Variants in VCPIP1 observed in about 807,000 individuals in gnomAD.
The protein encoded by VCPIP1 is deubiquitinating protein VCPIP1.
In VCPIP1, 8 loss-of-function variants were observed where a neutral mutation model predicts 85.0. The ratio of observed to expected loss-of-function variants is 0.09; its 90% CI spans 0.06 to 0.17. The LOEUF (loss-of-function observed/expected upper bound fraction) is 0.17. Among genes scored for constraint, VCPIP1 ranks in the 10% least tolerant of loss-of-function variants. The pLI is 1.00. For synonymous variants in VCPIP1, 543 were observed against 544.5 expected (o/e 1.00, Z 0.04); for missense variants, 1,070 against 1,486.3 (o/e 0.72, Z 4.61).
chr8:66,635,241 C>T lies in VCPIP1; in HGVS notation c.2929G>A (p.Asp977Asn), dbSNP rs764449773. 6.2e-7 allele frequency: 1 copy of T among 1,614,200 alleles called. No individual in the cohort carries two copies. Among genetic ancestry groups the T allele is most frequent in the East Asian group, 2.2e-5 (1 of 44,884 alleles). Residue 977 changes from aspartate (D) to asparagine (N), a missense_variant, in exon 3 of 3, where the codon GAT becomes AAT. Physicochemically the swap from Asp to Asn is conservative, Grantham distance 23. Coordinates refer to ENST00000310421, the MANE Select transcript of VCPIP1 (RefSeq NM_025054.5). ...TGACTTACAGCCTCTTTAACTAAATCTTCAACATCAGGACCAATGGGGAAA... is the reference window on the plus strand; with the variant it reads ...TGACTTACAGCCTCTTTAACTAAATTTTCAACATCAGGACCAATGGGGAAA... The part of the protein sequence containing the change: ...GHFPIGPDVE[D>N]LVKEAVSQVR...
chr8:66,648,372 T>C (rs1811016026), intron 2 of VCPIP1, among the ~76,000 whole-genome samples: 1 of 152,232 alleles, frequency 6.6e-6, no homozygotes, highest in Non-Finnish European at 1.5e-5. Flanking sequence ...TGAGTGTGGC[T>C]GTGCTCCAAT....
chr8:66,658,889 C>A (rs763619542), intron 1 of VCPIP1, among the ~76,000 whole-genome samples: 1 of 152,120 alleles, frequency 6.6e-6, no homozygotes, highest in South Asian at 2.1e-4. Context: ...CCACACAATT[C>A]TTTCAGGAAC....
Position 66,633,593 on chromosome 8 carries a change from G to A in VCPIP1, c.*908C>T, listed in dbSNP as rs368518269. 1.3e-5 allele frequency: 2 copies of A among 151,678 alleles called. No individual in the cohort carries two copies. The highest frequency in any genetic ancestry group is 1.9e-4 in the East Asian group (1 of 5,170). The allele number at this position is 151,678 out of a possible 1,614,324, so 9.4% of individuals were successfully genotyped here. A position where few individuals can be genotyped will look rare whatever the true frequency, so the allele number is the denominator to read the frequency against. On this transcript the variant is annotated 3_prime_UTR_variant, in exon 3 of 3. Transcript: ENST00000310421. ...AAAAAAAAAATTTTGGCTCAAAGGG[G>A]CATAAATACACTTAGCATATACAGG... is the stretch of plus-strand genomic sequence containing the variant.
At chr8:66,650,521 T>C (rs991431978) in intron 2 of VCPIP1, among the ~76,000 whole-genome samples, 6 of 152,102 alleles carry the variant, frequency 3.9e-5, no homozygotes, top group Admixed American at 6.6e-5. Flanking sequence ...ACTCTGAAGA[T>C]ACAGACATAC....
chr8:66,632,759 T>C lies in VCPIP1; in HGVS notation c.*1742A>G, dbSNP rs893107100. On this transcript the variant is annotated 3_prime_UTR_variant, in exon 3 of 3. Coordinates refer to ENST00000310421, the MANE Select transcript of VCPIP1 (RefSeq NM_025054.5). ...GTGATATTTGTAATTCGTAGTTTAATACACAGAAGCCACCTTTACTAAGTA... is the reference window on the plus strand; with the variant it reads ...GTGATATTTGTAATTCGTAGTTTAACACACAGAAGCCACCTTTACTAAGTA... 6.6e-6 allele frequency: 1 copy of C among 152,136 alleles called. No individual in the cohort carries two copies. Among genetic ancestry groups the C allele is most frequent in the East Asian group, 1.9e-4 (1 of 5,204 alleles). 9.4% of individuals were successfully genotyped at this position (152,136 alleles called of 1,614,324 possible).
rs749708830 is a variant in VCPIP1 at position 66,666,195 on chromosome 8, G to C, written c.764C>G (p.Ala255Gly). 1 of 1,614,030 alleles carries C rather than the reference G, an allele frequency of 6.2e-7. No homozygotes were observed. Among genetic ancestry groups the C allele is most frequent in the South Asian group, 1.1e-5 (1 of 91,082 alleles). The change falls in exon 1 of 3, where the codon GCT becomes GGT. Residue 255 changes from alanine to glycine, a missense_variant. Ala to Gly is a moderately conservative substitution (Grantham distance 60). Coordinates refer to ENST00000310421, the MANE Select transcript of VCPIP1 (RefSeq NM_025054.5). This position sits in a 1 kb window ranked among gnomAD's most constrained non-coding sequence, Gnocchi z 6.3. ...HFQQHLARYQ[A>G]LFHDFIDAAE... ...AGCATCAATGAAGTCATGGAACAGA[G>C]CTTGATATCGGGCCAGGTGCTGCTG...
intron 2 of VCPIP1, among the ~76,000 whole-genome samples, chr8:66,646,315 C>T (rs896498654): frequency 4.6e-5 from 7 of 152,074 alleles, no homozygotes; most frequent in South Asian, 2.1e-4. Flanking sequence ...TCAAGTGATC[C>T]GCTTGCCTCG....
intron 2 of VCPIP1, among the ~76,000 whole-genome samples, chr8:66,638,259 G>C (rs1279758116): frequency 6.6e-6 from 1 of 152,154 alleles, no homozygotes; most frequent in East Asian, 1.9e-4. Flanking sequence ...GGGAGGCAGA[G>C]GCAAATTGAC....
intron 1 of VCPIP1, among the ~76,000 whole-genome samples, chr8:66,655,775 A>G (rs1811094213): frequency 6.6e-6 from 1 of 152,196 alleles, no homozygotes; most frequent in African/African-American, 2.4e-5. Flanking sequence ...AAAAGCCTCT[A>G]ACAATTATGT....
intron 1 of VCPIP1, among the ~76,000 whole-genome samples, chr8:66,660,032 T>G (rs1811140945): frequency 2.0e-5 from 3 of 152,230 alleles, no homozygotes; most frequent in Admixed American, 2.0e-4. Context: ...AATTTTTATG[T>G]ATTTAGAAAA....
chr8:66,635,139 C>T lies in VCPIP1; in HGVS notation c.3031G>A (p.Val1011Ile), dbSNP rs1241988299. ...HGLLKLGSGG[V>I]VKKKSEQLHN... Reference sequence around the variant, plus strand: ...AGTTGCTCAGATTTCTTTTTCACTACTCCACCACTACCTAGTTTTAATAGC... The same window carrying T: ...AGTTGCTCAGATTTCTTTTTCACTATTCCACCACTACCTAGTTTTAATAGC... The change falls in exon 3 of 3, where the codon GTA becomes ATA. Residue 1011 changes from valine to isoleucine, a missense_variant. Val to Ile is a conservative substitution (Grantham distance 29). Transcript: ENST00000310421. The T allele has an allele frequency of 6.2e-7, 1 of 1,614,202 alleles. No individual in the cohort carries two copies. The highest frequency in any genetic ancestry group is 8.5e-7 in the Non-Finnish European group (1 of 1,180,034).
intron 2 of VCPIP1, among the ~76,000 whole-genome samples, chr8:66,637,194 AC>A (rs756090553): frequency 6.6e-6 from 1 of 151,824 alleles, no homozygotes; most frequent in Non-Finnish European, 1.5e-5. Flanking sequence ...TACAAAAAAA[AC>A]AAAAGGTTAG....
Position 66,667,214 on chromosome 8 carries a change from T to G in VCPIP1, c.-256A>C. On this transcript the variant is annotated 5_prime_UTR_variant, in exon 1 of 3. Coordinates refer to ENST00000310421, the MANE Select transcript of VCPIP1 (RefSeq NM_025054.5). ...CGCACTCACACTCACTCACTCTCGC[T>G]CTCTCTCCCTCAGACACAGACATAC... The G allele has an allele frequency of 3.1e-6, 2 of 645,032 alleles. No homozygotes were observed. Among genetic ancestry groups the G allele is most frequent in the Non-Finnish European group, 4.9e-6 (2 of 412,084 alleles). The allele number at this position is 645,032 out of a possible 1,614,324, so 40.0% of individuals were successfully genotyped here. A position where few individuals can be genotyped will look rare whatever the true frequency, so the allele number is the denominator to read the frequency against.
intron 1 of VCPIP1, among the ~76,000 whole-genome samples, chr8:66,653,765 C>G (rs1285824931): frequency 1.3e-5 from 2 of 152,156 alleles, no homozygotes; most frequent in Non-Finnish European, 2.9e-5. Context: ...CCCTAAGGAG[C>G]CTTTACAGGC....
In VCPIP1 at chr8:66,664,346, T is replaced by C; in HGVS notation, c.2613A>G (p.Gln871=). 6.2e-7 allele frequency: 1 copy of C among 1,613,254 alleles called. No homozygotes were observed. Among genetic ancestry groups the C allele is most frequent in the Non-Finnish European group, 8.5e-7 (1 of 1,179,234 alleles). Reference sequence around the variant, plus strand: ...GTTTACCAGTAACAGCAATATCTTCTTGTTTCACAGTGTGGGCTGAGTGTG... The same window carrying C: ...GTTTACCAGTAACAGCAATATCTTCCTGTTTCACAGTGTGGGCTGAGTGTG... ...AAAHSAHTVK[Q]EDIAVTGKLS... is the part of the protein sequence containing the mutation. The change falls in exon 1 of 3, where the codon CAA becomes CAG. Residue 871 remains glutamine (Q), a synonymous_variant. Transcript: ENST00000310421.
In VCPIP1 at chr8:66,630,093, TA is replaced by T. The variant is rs1810819622; in HGVS notation, c.*4407del. On this transcript the variant is annotated 3_prime_UTR_variant, in exon 3 of 3. Coordinates refer to ENST00000310421, the MANE Select transcript of VCPIP1 (RefSeq NM_025054.5). ...GAGAATTTCAGGGGAAAATCAGTATTAACTTATAGTTTTATTATTGATATAA... is the reference window on the plus strand; with the variant it reads ...GAGAATTTCAGGGGAAAATCAGTATTACTTATAGTTTTATTATTGATATAA... 1 of 152,166 alleles carries T rather than the reference TA, an allele frequency of 6.6e-6. No individual in the cohort carries two copies. Among genetic ancestry groups the T allele is most frequent in the South Asian group, 2.1e-4 (1 of 4,838 alleles). The allele number at this position is 152,166 out of a possible 1,614,324, so 9.4% of individuals were successfully genotyped here. A position where few individuals can be genotyped will look rare whatever the true frequency, so the allele number is the denominator to read the frequency against.
Position 66,666,960 on chromosome 8 carries a change from G to C in VCPIP1, c.-2C>G, listed in dbSNP as rs758158195. The C allele has an allele frequency of 6.4e-7, 1 of 1,556,136 alleles. No homozygotes were observed. The highest frequency in any genetic ancestry group is 8.6e-7 in the Non-Finnish European group (1 of 1,158,004). On this transcript the variant is annotated 5_prime_UTR_variant, in exon 1 of 3. Transcript: ENST00000310421. This position sits in a 1 kb window ranked among gnomAD's most constrained non-coding sequence, Gnocchi z 6.3. ...CGGCGGCGGCGGCGGCTGAGACATA[G>C]CTCCTGGCTCTCGTGTCTCGCTCCG...
chr8:66,644,199 T>C (rs935219720), intron 2 of VCPIP1, among the ~76,000 whole-genome samples: 2 of 152,094 alleles, frequency 1.3e-5, no homozygotes, highest in Admixed American at 1.3e-4. Flanking sequence ...TTATAAAATC[T>C]ACCAAAAAAC....
At chr8:66,647,799 C>T (rs943231061) in intron 2 of VCPIP1, among the ~76,000 whole-genome samples, 1 of 152,104 alleles carries the variant, frequency 6.6e-6, no homozygotes, top group Non-Finnish European at 1.5e-5. Flanking sequence ...AACTCATACC[C>T]TGCAACATAT....
Sources: gnomAD v4.1 joint callset for allele counts (sites outside exome capture counted in the v4.1 genomes callset) on GRCh38, gnomAD v4.1.1 for gene constraint, Gnocchi (gnomAD v3.1) non-coding constraint, MANE v1.5 for transcripts, NCBI Gene and HGNC (gene_info 2026-07-23, HGNC 2026-07-21) for gene names.